PSMF1: variants seen among roughly 807,000 people sequenced by gnomAD.
PSMF1 encodes the protein proteasome inhibitor PI31 subunit.
PSMF1 carries 30 observed loss-of-function variants against 29.3 expected under a neutral mutation model. That is an observed-to-expected ratio of 1.02 (90% CI 0.77 to 1.39). The LOEUF (loss-of-function observed/expected upper bound fraction) is 1.39, where lower values mean the gene tolerates loss of function less well. Among genes scored for constraint, PSMF1 ranks in the 40% most tolerant of loss-of-function variants. The pLI is 0.00. For synonymous variants in PSMF1, 134 were observed against 139.7 expected (o/e 0.96, Z 0.29); for missense variants, 344 against 357.5 (o/e 0.96, Z 0.31).
intron 4 of PSMF1, among the ~76,000 whole-genome samples, chr20:1,140,892 C>G (rs564275744): frequency 1.9e-4 from 29 of 152,216 alleles, no homozygotes; most frequent in African/African-American, 6.3e-4. Flanking sequence ...GAAATCCAAA[C>G]CAAGAAATAG....
rs1568486769 is a variant in PSMF1 at position 1,167,359 on chromosome 20, T to C, written c.*2279T>C. On this transcript the variant is annotated 3_prime_UTR_variant, in exon 7 of 7. Coordinates refer to ENST00000335877, the MANE Select transcript of PSMF1 (RefSeq NM_006814.5). The stretch of plus-strand genomic sequence containing the variant: ...TTTTTAAATAGCAGCTTTATTGAGA[T>C]ATAATTTACATACCCATAATTTACA... 6.6e-6 allele frequency: 1 copy of C among 150,584 alleles called. No individual in the cohort carries two copies. Among genetic ancestry groups the C allele is most frequent in the Non-Finnish European group, 1.5e-5 (1 of 68,022 alleles). 9.3% of individuals were successfully genotyped at this position (150,584 alleles called of 1,614,324 possible). A position where few individuals can be genotyped will look rare whatever the true frequency, so the allele number is the denominator to read the frequency against.
chr20:1,129,677 A>G (rs1296007442), intron 3 of PSMF1, among the ~76,000 whole-genome samples: 1 of 152,246 alleles, frequency 6.6e-6, no homozygotes, highest in African/African-American at 2.4e-5. Flanking sequence ...CAGAATAACC[A>G]GAAAATAAAC....
At position 1,151,106 on chromosome 20, in the gene PSMF1, G is replaced by T. The variant is rs149255870; in HGVS notation, c.552-12024G>T. Reference sequence around the variant, plus strand: ...CTTAAAATTTGTTTTCATTCCTTTCGCCTTGGAGTCACATAATATCCCTTT... The same window carrying T: ...CTTAAAATTTGTTTTCATTCCTTTCTCCTTGGAGTCACATAATATCCCTTT... On this transcript the variant is annotated intron_variant, in intron 4 of 6. Transcript: ENST00000335877. Among the ~76,000 whole-genome samples, 3 of 151,664 alleles carry T rather than the reference G, an allele frequency of 2.0e-5. No individual in the cohort carries two copies. In the South Asian group the frequency reaches 6.2e-4, roughly 32 times the overall value.
At position 1,127,418 on chromosome 20, in the gene PSMF1, C is replaced by G; in HGVS notation, c.283-8C>G. 1 of 1,581,338 alleles carries G rather than the reference C, an allele frequency of 6.3e-7. No homozygotes were observed. Among genetic ancestry groups the G allele is most frequent in the Non-Finnish European group, 8.7e-7 (1 of 1,150,060 alleles). ...CCAGTCTCTCACTTTCTATTTTCACCCATCTAGGAATATGGCTCACAGCAA... is the reference window on the plus strand; with the variant it reads ...CCAGTCTCTCACTTTCTATTTTCACGCATCTAGGAATATGGCTCACAGCAA... On this transcript the variant is annotated splice_polypyrimidine_tract_variant and splice_region_variant and intron_variant, in intron 2 of 6. Coordinates refer to ENST00000335877, the MANE Select transcript of PSMF1 (RefSeq NM_006814.5).
chr20:1,137,654 A>G (rs2086324286), intron 4 of PSMF1, among the ~76,000 whole-genome samples: 1 of 152,230 alleles, frequency 6.6e-6, no homozygotes, highest in Non-Finnish European at 1.5e-5. Flanking sequence ...GCTCTTGTGG[A>G]AAGAGTCATA....
Position 1,140,044 on chromosome 20 carries a change from C to T in PSMF1, c.551+4738C>T, listed in dbSNP as rs188838266. Among the ~76,000 whole-genome samples, 17 of 152,280 alleles carry T rather than the reference C, an allele frequency of 1.1e-4. No homozygotes were observed. The South Asian group carries it at 2.3e-3, about 20-fold the overall frequency. On this transcript the variant is annotated intron_variant, in intron 4 of 6. Coordinates refer to ENST00000335877, the MANE Select transcript of PSMF1 (RefSeq NM_006814.5). ...CCCCACTTGATCTACCTATTCAGTGCGATCCCAGTGAAAATCCCAGCAGGT... is the reference window on the plus strand; with the variant it reads ...CCCCACTTGATCTACCTATTCAGTGTGATCCCAGTGAAAATCCCAGCAGGT...
rs191681569 is a variant in PSMF1 at position 1,138,761 on chromosome 20, G to A, written c.551+3455G>A. On this transcript the variant is annotated intron_variant, in intron 4 of 6. Transcript: ENST00000335877. ...GGTCACTTCAACCTGGGAGGTCAAG[G>A]CTGCAGTGAGCTGTCATCACACCAC... 5.9e-5 allele frequency among the ~76,000 whole-genome samples: 9 copies of A among 151,960 alleles called. No homozygotes were observed. The East Asian group carries it at 1.7e-3, about 29-fold the overall frequency.
Position 1,148,484 on chromosome 20 carries a change from C to A in PSMF1, c.551+13178C>A, listed in dbSNP as rs561262156. Reference sequence around the variant, plus strand: ...TTAACCAGCTTCTCTAAAAATAAATCTTTAGATATAAAGCTCTTATTTATG... The same window carrying A: ...TTAACCAGCTTCTCTAAAAATAAATATTTAGATATAAAGCTCTTATTTATG... On this transcript the variant is annotated intron_variant, in intron 4 of 6. Transcript: ENST00000335877. Among the ~76,000 whole-genome samples the A allele has an allele frequency of 6.6e-5, 10 of 152,270 alleles. No homozygotes were observed. The South Asian group carries it at 1.5e-3, about 22-fold the overall frequency.
At chr20:1,133,915 T>C (rs1174821396) in intron 3 of PSMF1, among the ~76,000 whole-genome samples, 3 of 152,132 alleles carry the variant, frequency 2.0e-5, no homozygotes, top group African/African-American at 7.2e-5. Context: ...TTCTTAGTAT[T>C]CTCTTATTAT....
rs368229621 is a variant in PSMF1, at chr20:1,142,844, A to G, written c.551+7538A>G. ...AGTTCTAGATCCCTGAGGAATCGCC[A>G]CACTGACTTCCACAATGGTTGAACT... On this transcript the variant is annotated intron_variant, in intron 4 of 6. Transcript: ENST00000335877. 1.2e-4 allele frequency among the ~76,000 whole-genome samples: 19 copies of G among 152,238 alleles called. 1 individual carries two copies. The East Asian group carries it at 1.3e-3, about 11-fold the overall frequency.
At chr20:1,154,711 C>T (rs183419920) in intron 4 of PSMF1, among the ~76,000 whole-genome samples, 1 of 152,222 alleles carries the variant, frequency 6.6e-6, no homozygotes, top group Non-Finnish European at 1.5e-5. Context: ...TTAGCAGGAT[C>T]CCCCACTGAC....
Position 1,156,168 on chromosome 20 carries a change from G to C in PSMF1, c.552-6962G>C, listed in dbSNP as rs147264522. Among the ~76,000 whole-genome samples, 28 of 152,302 alleles carry C rather than the reference G, an allele frequency of 1.8e-4. No individual in the cohort carries two copies. In the East Asian group the frequency reaches 4.8e-3, roughly 26 times the overall value. ...CATAAATCAGTAATAGAATGGATTT[G>C]ACTAAGGAGTCAGTGAACTTGAAGA... On this transcript the variant is annotated intron_variant, in intron 4 of 6. Transcript: ENST00000335877.
At chr20:1,128,083 ATG>A (rs2086183165) in intron 3 of PSMF1, among the ~76,000 whole-genome samples, 1 of 152,202 alleles carries the variant, frequency 6.6e-6, no homozygotes, top group Non-Finnish European at 1.5e-5. Context: ...ACAGATGAGA[ATG>A]TGTGTCTATC....
chr20:1,125,858 A>AGG, intron 2 of PSMF1: 1 of 727,802 alleles, frequency 1.4e-6, no homozygotes, highest in Non-Finnish European at 2.5e-6. Context: ...ATTAAGAAGG[A>AGG]GGGGCTTTCT....
At chr20:1,145,090 C>G (rs150503749) in intron 4 of PSMF1, among the ~76,000 whole-genome samples, 1 of 152,076 alleles carries the variant, frequency 6.6e-6, no homozygotes, top group African/African-American at 2.4e-5. Flanking sequence ...TTCACCATGT[C>G]GGGCAGGCTG....
chr20:1,166,381 C>A lies in PSMF1; in HGVS notation c.*1301C>A. The A allele has an allele frequency of 9.5e-7, 1 of 1,054,398 alleles. No homozygotes were observed. Among genetic ancestry groups the A allele is most frequent in the Non-Finnish European group, 1.4e-6 (1 of 698,406 alleles). 65.3% of individuals were successfully genotyped at this position (1,054,398 alleles called of 1,614,324 possible). On this transcript the variant is annotated 3_prime_UTR_variant, in exon 7 of 7. Coordinates refer to ENST00000335877, the MANE Select transcript of PSMF1 (RefSeq NM_006814.5). ...ATATGTGGATCCTTTCATTTCTCAG[C>A]TCCCTGGATTCCTTCCCCTAAATTA... is the stretch of plus-strand genomic sequence containing the variant.
At chr20:1,127,206 G>T (rs1429911810) in intron 2 of PSMF1, 1 of 709,142 alleles carries the variant, frequency 1.4e-6, no homozygotes, top group Non-Finnish European at 2.5e-6. Context: ...AAAGAGCCTG[G>T]GAAGTAGGTG....
rs1398038252 is a variant in PSMF1 at position 1,170,963 on chromosome 20, C to G, written c.*5883C>G. On this transcript the variant is annotated 3_prime_UTR_variant, in exon 7 of 7. Transcript: ENST00000335877. ...ATTAGTTGAGATGCTGCACCTACCC[C>G]CTGGGGTGGCAGAACCGTGATTGGA... 6.6e-6 allele frequency among the ~76,000 whole-genome samples: 1 copy of G among 152,088 alleles called. No homozygotes were observed. Among genetic ancestry groups the G allele is most frequent in the South Asian group, 2.1e-4 (1 of 4,812 alleles).
In PSMF1 at chr20:1,169,337, A is replaced by G. The variant is rs1216063500; in HGVS notation, c.*4257A>G. ...AGCAACAATGACAGGAGGTTTGAAC[A>G]CCTCACGAGTGGTAGTGCCCATGGG... On this transcript the variant is annotated 3_prime_UTR_variant, in exon 7 of 7. Transcript: ENST00000335877. Among the ~76,000 whole-genome samples the G allele has an allele frequency of 6.6e-6, 1 of 152,100 alleles. No homozygotes were observed. The highest frequency in any genetic ancestry group is 1.5e-5 in the Non-Finnish European group (1 of 68,002).
Sources: gnomAD v4.1 joint callset for allele counts (sites outside exome capture counted in the v4.1 genomes callset) on GRCh38, gnomAD v4.1.1 for gene constraint, MANE v1.5 for transcripts, NCBI Gene and HGNC (gene_info 2026-07-23, HGNC 2026-07-21) for gene names.